LRMDA: variants seen among roughly 807,000 people sequenced by gnomAD.
LRMDA encodes leucine rich melanocyte differentiation associated, also known as leucine-rich melanocyte differentiation-associated protein.
Under a neutral mutation model 29.8 loss-of-function variants are expected in LRMDA, and 18 were observed. The observed-to-expected ratio is 0.60, with a 90% CI of 0.42 to 0.90. The LOEUF (loss-of-function observed/expected upper bound fraction) is 0.90. LRMDA is among the 40% of genes least tolerant of loss of function. LRMDA has a pLI of 0.00. For synonymous variants in LRMDA, 125 were observed against 109.4 expected (o/e 1.14, Z -0.89); for missense variants, 273 against 273.9 (o/e 1.00, Z 0.02).
intron 2 of LRMDA, among the ~76,000 whole-genome samples, chr10:76,001,046 CAG>C (rs1222643031): frequency 1.3e-5 from 2 of 152,164 alleles, no homozygotes; most frequent in Non-Finnish European, 2.9e-5. Context: ...ATAGTGAAGT[CAG>C]GAATAAAACC....
chr10:75,823,563 A>G (rs1403078176), intron 2 of LRMDA, among the ~76,000 whole-genome samples: 1 of 152,154 alleles, frequency 6.6e-6, no homozygotes, highest in East Asian at 1.9e-4. Flanking sequence ...AACAGTATGG[A>G]CATTTCTCAA....
chr10:76,202,420 A>C (rs958601665), intron 5 of LRMDA, among the ~76,000 whole-genome samples: 1 of 152,190 alleles, frequency 6.6e-6, no homozygotes, highest in Non-Finnish European at 1.5e-5. Flanking sequence ...GATTGTCCTT[A>C]GTCAGGGCTT....
chr10:76,099,356 C>T (rs4746362), intron 5 of LRMDA, among the ~76,000 whole-genome samples: 66,081 of 151,464 alleles, frequency 0.44, 14,885 homozygotes, highest in Non-Finnish European at 0.46. Flanking sequence ...ACTATCTCAG[C>T]TATAATTTTG....
At chr10:76,406,434 T>A (rs960410926) in intron 6 of LRMDA, among the ~76,000 whole-genome samples, 1 of 152,224 alleles carries the variant, frequency 6.6e-6, no homozygotes, top group African/African-American at 2.4e-5. Context: ...GGTACACATT[T>A]GGGTTTTATT....
chr10:75,758,738 C>T (rs1843061711), intron 2 of LRMDA, among the ~76,000 whole-genome samples: 1 of 152,128 alleles, frequency 6.6e-6, no homozygotes, highest in South Asian at 2.1e-4. Flanking sequence ...CAAGTGGATT[C>T]TTTTTTATTT....
At chr10:76,116,393 G>C (rs1465160540) in intron 5 of LRMDA, among the ~76,000 whole-genome samples, 2 of 152,192 alleles carry the variant, frequency 1.3e-5, no homozygotes, top group Non-Finnish European at 2.9e-5. Flanking sequence ...AGATAATCCA[G>C]ATTACAGGTG....
At chr10:75,436,993 T>A (rs1043172248) in intron 1 of LRMDA, among the ~76,000 whole-genome samples, 1 of 152,210 alleles carries the variant, frequency 6.6e-6, no homozygotes, top group African/African-American at 2.4e-5. Flanking sequence ...TATATCTTCT[T>A]GAGTCAAAAT....
chr10:75,969,960 T>C (rs1188417839), intron 2 of LRMDA, among the ~76,000 whole-genome samples: 2 of 152,236 alleles, frequency 1.3e-5, no homozygotes, highest in African/African-American at 4.8e-5. Flanking sequence ...TGGAATTGTC[T>C]GAGATAGACC....
rs866036428 is a variant in LRMDA at position 75,608,931 on chromosome 10, T to A, written c.131+170437T>A. Among the ~76,000 whole-genome samples, 49 of 152,290 alleles carry A rather than the reference T, an allele frequency of 3.2e-4. 1 individual carries two copies. Among genetic ancestry groups the A allele is most frequent in the African/African-American group, 1.1e-3 (46 of 41,576 alleles). ...TCCAAGCCTTGGTCTCCAGAGAACT[T>A]CAACACGACCAACAGTTTGTCTGGT... On this transcript the variant is annotated intron_variant, in intron 2 of 6. Transcript: ENST00000611255.
intron 2 of LRMDA, among the ~76,000 whole-genome samples, chr10:75,755,599 G>A (rs946902984): frequency 6.6e-6 from 1 of 152,230 alleles, no homozygotes; most frequent in African/African-American, 2.4e-5. Context: ...GGAAGTCTCT[G>A]AGAAGATAAT....
intron 2 of LRMDA, among the ~76,000 whole-genome samples, chr10:75,474,070 C>A (rs773406370): frequency 3.9e-5 from 6 of 152,196 alleles, no homozygotes; most frequent in Non-Finnish European, 5.9e-5. Flanking sequence ...CAAGTAATAT[C>A]ATCTAGAACA....
chr10:76,127,197 A>G (rs1334705241), intron 5 of LRMDA, among the ~76,000 whole-genome samples: 1 of 152,250 alleles, frequency 6.6e-6, no homozygotes, highest in Non-Finnish European at 1.5e-5. Context: ...CAGAGTTGCC[A>G]GATGATCTTA....
intron 2 of LRMDA, among the ~76,000 whole-genome samples, chr10:75,981,318 C>G (rs971086548): frequency 3.3e-5 from 5 of 152,196 alleles, no homozygotes; most frequent in African/African-American, 1.2e-4. Context: ...GGGCTCTACT[C>G]TCTGCCAGGT....
intron 2 of LRMDA, among the ~76,000 whole-genome samples, chr10:75,565,585 G>C (rs150324458): frequency 5.1e-4 from 78 of 152,336 alleles, no homozygotes; most frequent in African/African-American, 1.9e-3. Context: ...GTATGCGAGA[G>C]AACTGCATTG....
chr10:75,788,907 C>T (rs1457321078), intron 2 of LRMDA, among the ~76,000 whole-genome samples: 1 of 152,248 alleles, frequency 6.6e-6, no homozygotes, highest in African/African-American at 2.4e-5. Flanking sequence ...TCAAGTTATG[C>T]AACAGTCAAC....
At chr10:76,274,337 G>A (rs1357364076) in intron 5 of LRMDA, among the ~76,000 whole-genome samples, 3 of 152,136 alleles carry the variant, frequency 2.0e-5, no homozygotes, top group African/African-American at 7.2e-5. Context: ...AATTAGATAT[G>A]GATCATCTGG....
intron 6 of LRMDA, among the ~76,000 whole-genome samples, chr10:76,427,740 T>G (rs1413253711): frequency 2.6e-5 from 4 of 152,214 alleles, no homozygotes; most frequent in African/African-American, 9.7e-5. Context: ...GGCTGTGGGT[T>G]TGTCATAAAT....
intron 2 of LRMDA, among the ~76,000 whole-genome samples, chr10:75,611,524 A>G (rs560418047): frequency 2.6e-5 from 4 of 151,004 alleles, no homozygotes; most frequent in African/African-American, 9.7e-5. Flanking sequence ...CTATTTCCCC[A>G]CTCCCCTCCT....
At chr10:75,876,366 G>C (rs576504448) in intron 2 of LRMDA, among the ~76,000 whole-genome samples, 66 of 152,306 alleles carry the variant, frequency 4.3e-4, no homozygotes, top group African/African-American at 1.5e-3. Flanking sequence ...GGGAGAAAAG[G>C]CTGGAGAAGG....
Sources: gnomAD v4.1 joint callset for allele counts (sites outside exome capture counted in the v4.1 genomes callset) on GRCh38, gnomAD v4.1.1 for gene constraint, MANE v1.5 for transcripts, NCBI Gene and HGNC (gene_info 2026-07-23, HGNC 2026-07-21) for gene names.